Variants in SMOC2 observed in about 807,000 individuals in gnomAD.
SMOC2 encodes SPARC-related modular calcium-binding protein 2.
In SMOC2, 39 loss-of-function variants were observed where a neutral mutation model predicts 61.4. The observed-to-expected ratio is 0.64, with a 90% confidence interval of 0.49 to 0.83. The LOEUF is 0.83. Among genes scored for constraint, SMOC2 ranks in the 40% least tolerant of loss-of-function variants. SMOC2 has a pLI of 0.00. For missense variants in SMOC2, 556 were observed against 592.9 expected, an observed-to-expected ratio of 0.94 and a Z score of 0.65; for synonymous variants, 247 against 239.9, an observed-to-expected ratio of 1.03 and a Z score of -0.27.
intron 3 of SMOC2, 93 bp from the exon 4 acceptor site, chr6:168,527,535 A>C: frequency 1.2e-6 from 1 of 865,672 alleles, no homozygotes; most frequent in Non-Finnish European, 1.9e-6. Context: ...ACCCTGTCTG[A>C]GCCACTGCCG....
At chr6:168,591,824 A>C (rs2115173821) in intron 7 of SMOC2, among the ~76,000 whole-genome samples, 1 of 144,674 alleles carries the variant, frequency 6.9e-6, no homozygotes, top group East Asian at 2.0e-4. Flanking sequence ...CTGAATAGGA[A>C]AGAAAAGTGA....
At chr6:168,451,129 GGGGAAAGCC>G (rs1781451190) in intron 1 of SMOC2, among the ~76,000 whole-genome samples, 2 of 152,176 alleles carry the variant, frequency 1.3e-5, no homozygotes, top group Non-Finnish European at 2.9e-5. Flanking sequence ...TTATTCCCCA[GGGGAAAGCC>G]CAGGAGAGCT....
intron 7 of SMOC2, among the ~76,000 whole-genome samples, chr6:168,565,407 T>C (rs1042113354): frequency 6.6e-6 from 1 of 152,100 alleles, no homozygotes; most frequent in East Asian, 1.9e-4. Flanking sequence ...TCTGTGGTGT[T>C]CCCTCTGTGT....
At chr6:168,527,594 C>A in intron 3 of SMOC2, 34 bp from the exon 4 acceptor site, 1 of 1,498,156 alleles carries the variant, frequency 6.7e-7, no homozygotes, top group Non-Finnish European at 9.1e-7. Flanking sequence ...GCCACGGGCC[C>A]GGGAGGGCTT....
intron 9 of SMOC2, among the ~76,000 whole-genome samples, chr6:168,635,594 G>A (rs1329059032): frequency 6.6e-6 from 1 of 152,190 alleles, no homozygotes; most frequent in Non-Finnish European, 1.5e-5. Context: ...ACTGGGGCTG[G>A]GCATGGTGGC....
intron 2 of SMOC2, among the ~76,000 whole-genome samples, chr6:168,523,779 G>C (rs763417413): frequency 6.6e-6 from 1 of 152,090 alleles, no homozygotes; most frequent in Non-Finnish European, 1.5e-5. Context: ...AGTGTTCAGA[G>C]TGGAATCTCA....
intron 1 of SMOC2, among the ~76,000 whole-genome samples, chr6:168,497,370 C>T (rs1782616830): frequency 6.6e-6 from 1 of 152,274 alleles, no homozygotes; most frequent in Non-Finnish European, 1.5e-5. Flanking sequence ...GCACCTGCCC[C>T]CAGGCGTGGG....
intron 7 of SMOC2, among the ~76,000 whole-genome samples, chr6:168,567,515 GTCTT>G (rs1351946823): frequency 6.6e-6 from 1 of 151,670 alleles, no homozygotes; most frequent in Non-Finnish European, 1.5e-5. Context: ...GTGTGTGTGT[GTCTT>G]TCTATAATTT....
At chr6:168,642,830 A>C (rs997479996) in intron 9 of SMOC2, among the ~76,000 whole-genome samples, 4 of 152,236 alleles carry the variant, frequency 2.6e-5, no homozygotes, top group African/African-American at 9.6e-5. Context: ...GGAAAGTTAA[A>C]AGTTGGAAAG....
intron 7 of SMOC2, among the ~76,000 whole-genome samples, chr6:168,570,810 T>C (rs1297434879): frequency 6.6e-6 from 1 of 152,214 alleles, no homozygotes; most frequent in African/African-American, 2.4e-5. Flanking sequence ...AAGGTAGATG[T>C]CTAATTATTT....
At chr6:168,612,987 T>C (rs1016683053) in intron 9 of SMOC2, among the ~76,000 whole-genome samples, 6 of 152,202 alleles carry the variant, frequency 3.9e-5, no homozygotes, top group Non-Finnish European at 7.3e-5. Context: ...CCTTTCCTGA[T>C]CATGCAATTG....
chr6:168,501,042 C>T (rs1311633997), intron 1 of SMOC2, among the ~76,000 whole-genome samples: 1 of 152,178 alleles, frequency 6.6e-6, no homozygotes, highest in African/African-American at 2.4e-5. Context: ...TACAATCTAC[C>T]TTGTGCCTCT....
At chr6:168,552,632 A>G (rs1402767444) in intron 7 of SMOC2, among the ~76,000 whole-genome samples, 1 of 152,256 alleles carries the variant, frequency 6.6e-6, no homozygotes, top group Admixed American at 6.5e-5. Context: ...GCTTTGGAGC[A>G]TATAATGATA....
intron 1 of SMOC2, among the ~76,000 whole-genome samples, chr6:168,479,520 A>G (rs1782162323): frequency 6.6e-6 from 1 of 152,226 alleles, no homozygotes; most frequent in African/African-American, 2.4e-5. Context: ...TCTGGAGTCC[A>G]TTGAAAGTTT....
In SMOC2 at chr6:168,467,466, C is replaced by T. The variant is rs181492896; in HGVS notation, c.84+26012C>T. Among the ~76,000 whole-genome samples the T allele has an allele frequency of 1.5e-4, 23 of 152,168 alleles. No individual in the cohort carries two copies. The East Asian group carries it at 4.5e-3, about 29-fold the overall frequency. On this transcript the variant is annotated intron_variant, in intron 1 of 12. Transcript: ENST00000356284. The stretch of plus-strand genomic sequence containing the variant: ...GGACTACAGGTGCACACCACCACAC[C>T]CGGCTAATTTTTTTTGTATTTTTAG...
chr6:168,573,913 CT>C (rs1447470537), intron 7 of SMOC2, among the ~76,000 whole-genome samples: 1 of 152,246 alleles, frequency 6.6e-6, no homozygotes, highest in Non-Finnish European at 1.5e-5. Context: ...ACGTCCACCC[CT>C]GAACCAGTCG....
intron 4 of SMOC2, among the ~76,000 whole-genome samples, chr6:168,536,797 G>A (rs1437654073): frequency 7.9e-5 from 12 of 152,282 alleles, no homozygotes; most frequent in Admixed American, 7.2e-4. Context: ...GTGCGTGCAA[G>A]TCCTGCTTGG....
At chr6:168,626,557 C>G (rs968985598) in intron 9 of SMOC2, among the ~76,000 whole-genome samples, 1 of 152,238 alleles carries the variant, frequency 6.6e-6, no homozygotes, top group African/African-American at 2.4e-5. Context: ...ACTCCACATT[C>G]TGCTACAGCC....
At chr6:168,617,480 G>A (rs1786124358) in intron 9 of SMOC2, among the ~76,000 whole-genome samples, 1 of 152,102 alleles carries the variant, frequency 6.6e-6, no homozygotes, top group East Asian at 1.9e-4. Context: ...GCAGGAAGCT[G>A]GAGCTATAGT....
Sources: allele counts gnomAD v4.1 joint callset (sites outside exome capture counted in the v4.1 genomes callset), GRCh38; gene constraint gnomAD v4.1.1; transcripts MANE v1.5; gene names NCBI Gene and HGNC (gene_info 2026-07-23, HGNC 2026-07-21).